Variants in TENM1 observed in about 807,000 individuals in gnomAD.
The protein encoded by TENM1 is teneurin transmembrane protein 1, also known as teneurin-1.
Under a neutral mutation model 174.8 loss-of-function variants are expected in TENM1, and 35 were observed. That is an observed-to-expected ratio of 0.20 (90% CI 0.15 to 0.27). The LOEUF is 0.27. Among genes scored for constraint, TENM1 ranks in the 10% least tolerant of loss-of-function variants. The pLI is 1.00. For missense variants in TENM1, 1,633 were observed against 2,130.1 expected, an observed-to-expected ratio of 0.77 and a Z score of 4.59; for synonymous variants, 781 against 798.7, an observed-to-expected ratio of 0.98 and a Z score of 0.37.
At chrX:125,095,397 G>C in the TENM1 span, among the ~76,000 whole-genome samples, 1 of 111,660 alleles carries the variant, frequency 9.0e-6, no homozygotes, top group African/African-American at 3.3e-5. Flanking sequence ...GGATGTCTCA[G>C]GTAAGTTTGG....
At chrX:125,168,962 A>G in the TENM1 span, among the ~76,000 whole-genome samples, 3 of 109,777 alleles carry the variant, frequency 2.7e-5, no homozygotes, top group African/African-American at 1.0e-4. Context: ...TTACACAGCC[A>G]CAGAAAACCA....
chrX:125,138,237 C>T, the TENM1 span, among the ~76,000 whole-genome samples: 2,007 of 99,145 alleles, frequency 0.02, 41 homozygotes, highest in African/African-American at 0.075. Flanking sequence ...GGAGACAGCA[C>T]GGGCTCAAAA....
chrX:125,000,579 A>T, the TENM1 span, among the ~76,000 whole-genome samples: 1 of 112,192 alleles, frequency 8.9e-6, no homozygotes, highest in Non-Finnish European at 1.9e-5. Flanking sequence ...TGAGCAGAAG[A>T]TGCTTGTCTT....
the TENM1 span, among the ~76,000 whole-genome samples, chrX:125,054,661 GAGA>G: frequency 8.9e-6 from 1 of 111,898 alleles, no homozygotes; most frequent in Non-Finnish European, 1.9e-5. Context: ...AAAACAGCAA[GAGA>G]AGGAGTTTCT....
chrX:125,067,952 T>C, the TENM1 span, among the ~76,000 whole-genome samples: 1 of 111,691 alleles, frequency 9.0e-6, no homozygotes, highest in Non-Finnish European at 1.9e-5. Context: ...AAGACACATG[T>C]TCAAAGGCAG....
chrX:124,876,987 T>C (rs1368882478), intron 3 of TENM1, among the ~76,000 whole-genome samples: 1 of 112,252 alleles, frequency 8.9e-6, no homozygotes, highest in Non-Finnish European at 1.9e-5. Context: ...TTGAATTTAT[T>C]AGTTAGTTCT....
chrX:124,473,898 T>G (rs60733255), intron 22 of TENM1, among the ~76,000 whole-genome samples: 1 of 111,855 alleles, frequency 8.9e-6, no homozygotes, highest in African/African-American at 3.2e-5. Flanking sequence ...TTTAGTTAGA[T>G]GGGCCTTGTG....
chrX:125,173,253 T>C, the TENM1 span, among the ~76,000 whole-genome samples: 1 of 111,804 alleles, frequency 8.9e-6, no homozygotes, highest in East Asian at 2.8e-4. Flanking sequence ...TAATTTAGTA[T>C]GAACATAAAT....
At chrX:124,416,511 T>A (rs1323990632) in intron 25 of TENM1, among the ~76,000 whole-genome samples, 2 of 111,982 alleles carry the variant, frequency 1.8e-5, no homozygotes, top group Non-Finnish European at 3.8e-5. Context: ...GCATTTGAGT[T>A]GTTTATATTT....
the TENM1 span, among the ~76,000 whole-genome samples, chrX:124,987,194 G>A: frequency 9.0e-6 from 1 of 111,285 alleles, no homozygotes; most frequent in African/African-American, 3.3e-5. Flanking sequence ...TACTCAATAT[G>A]TAAAGAATTC....
At chrX:124,699,526 T>G (rs1447333670) in intron 5 of TENM1, among the ~76,000 whole-genome samples, 1 of 111,323 alleles carries the variant, frequency 9.0e-6, no homozygotes, top group African/African-American at 3.3e-5. Flanking sequence ...CTCTGTGTCT[T>G]AAATACATTC....
intron 5 of TENM1, among the ~76,000 whole-genome samples, chrX:124,675,057 C>T (rs1213282145): frequency 9.0e-6 from 1 of 111,621 alleles, no homozygotes; most frequent in Non-Finnish European, 1.9e-5. Context: ...ATGAAATGGA[C>T]TGCTTCCAGC....
intron 3 of TENM1, among the ~76,000 whole-genome samples, chrX:124,746,532 C>A (rs2148569010): frequency 9.0e-6 from 1 of 111,487 alleles, no homozygotes; most frequent in South Asian, 3.8e-4. Flanking sequence ...AAGTCTGATT[C>A]ATTCTCTCAA....
intron 18 of TENM1, among the ~76,000 whole-genome samples, chrX:124,505,333 C>T (rs2239472): frequency 0.25 from 27,242 of 110,307 alleles, 2,987 homozygotes; most frequent in African/African-American, 0.42. Context: ...GGACTGGGGG[C>T]GGGGGAGGAA....
intron 3 of TENM1, among the ~76,000 whole-genome samples, chrX:124,862,610 G>T (rs2056934605): frequency 9.0e-6 from 1 of 111,327 alleles, no homozygotes; most frequent in South Asian, 3.8e-4. Flanking sequence ...TGATCTCAGA[G>T]GTCCAAACTT....
chrX:124,944,468 T>C (rs1476012761), intron 1 of TENM1, among the ~76,000 whole-genome samples: 1 of 111,581 alleles, frequency 9.0e-6, no homozygotes, highest in African/African-American at 3.3e-5. Flanking sequence ...ATCTAAAATA[T>C]ACCATTCTCA....
At chrX:124,509,074 A>AAC (rs3028390) in intron 18 of TENM1, among the ~76,000 whole-genome samples, 6,856 of 108,146 alleles carry the variant, frequency 0.063, 219 homozygotes, top group East Asian at 0.12. Flanking sequence ...TAAAACAAAT[A>AAC]ACACACACAC....
chrX:124,653,862 A>G (rs2051372021), intron 6 of TENM1, 79 bp from the exon 10 acceptor site: 1 of 852,344 alleles, frequency 1.2e-6, no homozygotes, highest in African/African-American at 2.0e-5. Flanking sequence ...TTTCAAGAAC[A>G]GATATATCAA....
At chrX:124,825,684 A>G (rs189773298) in intron 3 of TENM1, among the ~76,000 whole-genome samples, 1 of 112,121 alleles carries the variant, frequency 8.9e-6, no homozygotes, top group African/African-American at 3.2e-5. Flanking sequence ...TTTAACTTAT[A>G]TATGTTTGCA....
Sources: gnomAD v4.1 joint callset for allele counts (sites outside exome capture counted in the v4.1 genomes callset) on GRCh38, gnomAD v4.1.1 for gene constraint, MANE v1.5 for transcripts, NCBI Gene and HGNC (gene_info 2026-07-23, HGNC 2026-07-21) for gene names.